Variants in ADAMTS6 observed in about 807,000 individuals in gnomAD.
The protein encoded by ADAMTS6 is ADAM metallopeptidase with thrombospondin type 1 motif 6, also known as A disintegrin and metalloproteinase with thrombospondin motifs 6.
A neutral mutation model predicts 144.3 loss-of-function variants in ADAMTS6; 23 were observed. The ratio of observed to expected loss-of-function variants is 0.16; its 90% confidence interval spans 0.11 to 0.23. The LOEUF (loss-of-function observed/expected upper bound fraction) is 0.23. ADAMTS6 is among the 10% of genes least tolerant of loss of function. ADAMTS6 has a pLI of 1.00. For missense variants in ADAMTS6, 999 were observed against 1,379.6 expected (o/e 0.72, Z 4.37); for synonymous variants, 444 against 457.5 (o/e 0.97, Z 0.38).
At position 65,355,905 on chromosome 5, in the gene ADAMTS6, G is replaced by A. The variant is rs1749276579; in HGVS notation, c.1074-21820C>T. On this transcript the variant is annotated intron_variant, in intron 7 of 24. Coordinates refer to ENST00000381055, the MANE Select transcript of ADAMTS6 (RefSeq NM_197941.4). ...GAATTATAATTGCTGTCATAAGGTT[G>A]GTTTATCTACTCTAATTGTTTCTTT... 2.6e-5 allele frequency among the ~76,000 whole-genome samples: 4 copies of A among 151,770 alleles called. 1 individual carries two copies. In the South Asian group the frequency reaches 8.3e-4, roughly 32 times the overall value.
chr5:65,233,548 C>T (rs956684013), intron 15 of ADAMTS6, among the ~76,000 whole-genome samples: 1 of 151,880 alleles, frequency 6.6e-6, no homozygotes, highest in African/African-American at 2.4e-5. Flanking sequence ...CAATTAATTA[C>T]ATAAGATAGA....
At position 65,151,833 on chromosome 5, in the gene ADAMTS6, G is replaced by A. The variant is rs6879867; in HGVS notation, c.*3C>T. 45,862 of 1,606,820 alleles carry A rather than the reference G, an allele frequency of 0.029. 10,399 individuals are homozygous for A. The African/African-American group carries it at 0.52, about 18-fold the overall frequency. On this transcript the variant is annotated 3_prime_UTR_variant, in exon 25 of 25. Coordinates refer to ENST00000381055, the MANE Select transcript of ADAMTS6 (RefSeq NM_197941.4). ...CAAGGCACTCTCTCTGGCTTTCTGT[G>A]GGTCAGTGTCCTTGGCAGGTCTTAC...
intron 15 of ADAMTS6, among the ~76,000 whole-genome samples, chr5:65,236,732 A>G (rs1758702654): frequency 1.3e-5 from 2 of 152,244 alleles, no homozygotes; most frequent in Admixed American, 6.5e-5. Context: ...TTTGAACTAA[A>G]AGCTATAAAA....
intron 7 of ADAMTS6, among the ~76,000 whole-genome samples, chr5:65,444,342 G>A (rs1240026736): frequency 6.6e-6 from 1 of 151,950 alleles, no homozygotes; most frequent in Non-Finnish European, 1.5e-5. Context: ...CTCCAGCTTG[G>A]GAGACAAGAG....
At chr5:65,218,500 C>T (rs972496534) in intron 18 of ADAMTS6, among the ~76,000 whole-genome samples, 6 of 152,052 alleles carry the variant, frequency 3.9e-5, no homozygotes, top group Non-Finnish European at 7.4e-5. Flanking sequence ...GCCAAAGAAA[C>T]AGACCCAGAA....
chr5:65,441,270 G>C (rs948507812), intron 7 of ADAMTS6, among the ~76,000 whole-genome samples: 2 of 152,182 alleles, frequency 1.3e-5, no homozygotes, highest in Admixed American at 6.5e-5. Context: ...CATAGCAATA[G>C]AAACTACCCA....
intron 7 of ADAMTS6, among the ~76,000 whole-genome samples, chr5:65,382,114 A>G (rs1031660291): frequency 6.6e-6 from 1 of 152,188 alleles, no homozygotes. Flanking sequence ...AACTCTTTGG[A>G]AAAAGCTGGG....
chr5:65,273,597 T>A, intron 11 of ADAMTS6, 150 bp from the exon 12 acceptor site: 1 of 544,812 alleles, frequency 1.8e-6, no homozygotes, highest in Non-Finnish European at 3.3e-6. Context: ...TTGGAGGAGG[T>A]TTTTATGAAA....
chr5:65,443,766 T>C (rs116697640), intron 7 of ADAMTS6, among the ~76,000 whole-genome samples: 4,290 of 150,660 alleles, frequency 0.028, 205 homozygotes, highest in African/African-American at 0.098. Context: ...CCAACACCCA[T>C]TCCTGATTTA....
chr5:65,404,423 G>C (rs901156418), intron 7 of ADAMTS6, among the ~76,000 whole-genome samples: 5 of 152,100 alleles, frequency 3.3e-5, no homozygotes, highest in African/African-American at 9.7e-5. Flanking sequence ...GCAATAGTTT[G>C]CTGAGAATGA....
chr5:65,290,741 T>G (rs1219624019), intron 11 of ADAMTS6, among the ~76,000 whole-genome samples: 1 of 152,206 alleles, frequency 6.6e-6, no homozygotes, highest in East Asian at 1.9e-4. Flanking sequence ...CATTTTCTGA[T>G]GTAGACACTG....
chr5:65,423,302 T>C (rs1421970206), intron 7 of ADAMTS6, among the ~76,000 whole-genome samples: 1 of 152,198 alleles, frequency 6.6e-6, no homozygotes, highest in African/African-American at 2.4e-5. Flanking sequence ...AAACCACTTG[T>C]ACTTCAAAAG....
At chr5:65,399,959 C>T (rs78442417) in intron 7 of ADAMTS6, among the ~76,000 whole-genome samples, 1,857 of 152,088 alleles carry the variant, frequency 0.012, 25 homozygotes, top group East Asian at 0.077. Context: ...TAAAATTTCC[C>T]AGTTTTTGTT....
At chr5:65,298,930 A>T (rs1217588586) in intron 10 of ADAMTS6, among the ~76,000 whole-genome samples, 3 of 152,096 alleles carry the variant, frequency 2.0e-5, no homozygotes, top group Non-Finnish European at 4.4e-5. Context: ...ATGTTACCCT[A>T]TGTAACTTGT....
intron 6 of ADAMTS6, 50 bp from the exon 7 acceptor site, chr5:65,451,670 C>A: frequency 6.3e-7 from 1 of 1,597,106 alleles, no homozygotes; most frequent in South Asian, 1.1e-5. Context: ...TTACTAAGGT[C>A]AGTTGTTAAA....
At chr5:65,245,354 CA>C (rs1759532963) in intron 14 of ADAMTS6, among the ~76,000 whole-genome samples, 1 of 152,088 alleles carries the variant, frequency 6.6e-6, no homozygotes, top group African/African-American at 2.4e-5. Flanking sequence ...GCAACTCAGG[CA>C]GAAGAAGAAT....
intron 3 of ADAMTS6, among the ~76,000 whole-genome samples, chr5:65,464,128 A>T (rs1759821797): frequency 6.6e-6 from 1 of 152,244 alleles, no homozygotes; most frequent in South Asian, 2.1e-4. Flanking sequence ...TGTTGATTTC[A>T]ATATCTTCTT....
chr5:65,238,030 G>A (rs1314700007), intron 15 of ADAMTS6, among the ~76,000 whole-genome samples: 3 of 151,654 alleles, frequency 2.0e-5, no homozygotes, highest in Non-Finnish European at 2.9e-5. Context: ...AGGCTGCAGT[G>A]TGCTGTGATC....
At chr5:65,208,046 GC>G (rs1460694139) in intron 20 of ADAMTS6, among the ~76,000 whole-genome samples, 1 of 152,182 alleles carries the variant, frequency 6.6e-6, no homozygotes, top group Non-Finnish European at 1.5e-5. Flanking sequence ...TAAGTGGCAT[GC>G]TATTCCTTCT....
Sources: allele counts gnomAD v4.1 joint callset (sites outside exome capture counted in the v4.1 genomes callset), GRCh38; gene constraint gnomAD v4.1.1; transcripts MANE v1.5; gene names NCBI Gene and HGNC (gene_info 2026-07-23, HGNC 2026-07-21).